Variants in RNASET2 observed in about 807,000 individuals in gnomAD.
RNASET2 encodes the protein ribonuclease T2, also known as ribonuclease 6.
In RNASET2, 28 loss-of-function variants were observed where a neutral mutation model predicts 33.9. The ratio of observed to expected loss-of-function variants is 0.83; its 90% CI spans 0.61 to 1.13. The LOEUF (loss-of-function observed/expected upper bound fraction) is 1.13, where lower values mean the gene tolerates loss of function less well. RNASET2 is among the 50% of genes most tolerant of loss of function. The pLI is 0.00. For synonymous variants in RNASET2, 123 were observed against 121.0 expected, an observed-to-expected ratio of 1.02 and a Z score of -0.11; for missense variants, 330 against 319.9, an observed-to-expected ratio of 1.03 and a Z score of -0.24.
At chr6:166,955,223 G>GCACACACACGACACACATGCA in intron 1 of RNASET2, among the ~76,000 whole-genome samples, 4 of 38,776 alleles carry the variant, frequency 1.0e-4, no homozygotes, top group African/African-American at 4.3e-4. Flanking sequence ...GCACACACGC[G>GCACACACACGACACACATGCA]CACACACGCA....
intron 2 of RNASET2, among the ~76,000 whole-genome samples, chr6:166,950,624 C>T (rs12197030): frequency 0.14 from 20,929 of 152,240 alleles, 1,590 homozygotes; most frequent in African/African-American, 0.19. Flanking sequence ...GTCAGCTTGA[C>T]ACACCGAGCA....
chr6:166,952,415 C>A (rs868422354), intron 2 of RNASET2, 73 bp downstream of exon 2: 1 of 1,321,736 alleles, frequency 7.6e-7, no homozygotes, highest in Non-Finnish European at 1.1e-6. Context: ...GTGCCCTGGA[C>A]GGGCACGTGC....
chr6:166,927,713 C>CAAAAAAAAAAAAAAAAAAAAAAAAAA lies in RNASET2; in HGVS notation c.*1874_*1875insTTTTTTTTTTTTTTTTTTTTTTTTTT, dbSNP rs58837223. ...TGATCCCTGTGTTCGCAAAATGACT[C>CAAAAAAAAAAAAAAAAAAAAAAAAAA]AAAAAAAAAAAAAAAAAAAAAAAGA... is the stretch of plus-strand genomic sequence containing the variant. On this transcript the variant is annotated 3_prime_UTR_variant, in exon 9 of 9. Transcript: ENST00000508775. 2.1e-5 allele frequency among the ~76,000 whole-genome samples: 1 copy of CAAAAAAAAAAAAAAAAAAAAAAAAAA among 47,342 alleles called. No homozygotes were observed. Among genetic ancestry groups the CAAAAAAAAAAAAAAAAAAAAAAAAAA allele is most frequent in the African/African-American group, 8.6e-5 (1 of 11,648 alleles). 31.1% of individuals were successfully genotyped at this position (47,342 alleles called of 152,430 possible). A position where few individuals can be genotyped will look rare whatever the true frequency, so the allele number is the denominator to read the frequency against.
At chr6:166,954,078 A>G (rs1353697609) in intron 1 of RNASET2, among the ~76,000 whole-genome samples, 1 of 152,174 alleles carries the variant, frequency 6.6e-6, no homozygotes, top group African/African-American at 2.4e-5. Flanking sequence ...TCTCCATCTA[A>G]AACCAGGCAG....
At chr6:166,948,660 C>T in intron 2 of RNASET2, 35 bp from the exon 3 acceptor site, 1 of 1,259,370 alleles carries the variant, frequency 7.9e-7, no homozygotes, top group Non-Finnish European at 1.2e-6. Flanking sequence ...ATGATTGGCT[C>T]TTTGTTTATT....
chr6:166,949,209 A>G (rs1467989105), intron 2 of RNASET2, among the ~76,000 whole-genome samples: 2 of 149,732 alleles, frequency 1.3e-5, no homozygotes, highest in African/African-American at 4.9e-5. Context: ...CAAAAAAAAA[A>G]AAAAAAAAAA....
Position 166,956,309 on chromosome 6 carries a change from G to T in RNASET2, c.-127C>A. On this transcript the variant is annotated 5_prime_UTR_variant, in exon 1 of 9. Coordinates refer to ENST00000508775, the MANE Select transcript of RNASET2 (RefSeq NM_003730.6). ...CCCGCGCCGCCGCGCTCCCTCCGCT[G>T]CAGCAGCGGCCACCGGGTGCGCCCG... 1 of 920,738 alleles carries T rather than the reference G, an allele frequency of 1.1e-6. No homozygotes were observed. Among genetic ancestry groups the T allele is most frequent in the Non-Finnish European group, 1.7e-6 (1 of 584,060 alleles). The allele number at this position is 920,738 out of a possible 1,614,324, so 57.0% of individuals were successfully genotyped here.
At position 166,956,466 on chromosome 6, in the gene RNASET2, G is replaced by T; in HGVS notation, c.-284C>A. 4.1e-6 allele frequency: 2 copies of T among 483,154 alleles called. No individual in the cohort carries two copies. The highest frequency in any genetic ancestry group is 4.6e-5 in the South Asian group (2 of 43,282). The allele number at this position is 483,154 out of a possible 1,614,324, so 29.9% of individuals were successfully genotyped here. A position where few individuals can be genotyped will look rare whatever the true frequency, so the allele number is the denominator to read the frequency against. ...TCGTGCACCAAGCGCGCACGTCCCG[G>T]GCTCTGCTTCGCGACCCACAGCGAC... On this transcript the variant is annotated 5_prime_UTR_variant, in exon 1 of 9. Coordinates refer to ENST00000508775, the MANE Select transcript of RNASET2 (RefSeq NM_003730.6).
At chr6:166,955,290 GCACAGACGCGCACACACGA>G (rs1779109050) in intron 1 of RNASET2, among the ~76,000 whole-genome samples, 2 of 68,464 alleles carry the variant, frequency 2.9e-5, no homozygotes, top group African/African-American at 7.9e-5. Flanking sequence ...CGACACACAC[GCACAGACGCGCACACACGA>G]CACACACGCA....
rs775164506 is a variant in RNASET2, at chr6:166,952,808, G to A, written c.87-260C>T. ...GGGAGGAGGGGAGAGGAGGGGAAGC[G>A]GAGGCAGGGCAAGCTAGGAGTGCAG... On this transcript the variant is annotated intron_variant, in intron 1 of 8. Transcript: ENST00000508775. The A allele has an allele frequency of 3.7e-4, 170 of 455,768 alleles. 1 individual carries two copies. The highest frequency in any genetic ancestry group is 1.9e-3 in the South Asian group (90 of 48,132). The allele number at this position is 455,768 out of a possible 1,614,324, so 28.2% of individuals were successfully genotyped here.
At chr6:166,952,360 G>A (rs955580770) in intron 2 of RNASET2, 128 bp downstream of exon 2, 95 of 831,084 alleles carry the variant, frequency 1.1e-4, no homozygotes, top group Admixed American at 1.8e-4. Context: ...AGGAGACACC[G>A]CCCACCCGCC....
At chr6:166,930,864 GCACATGCACACATGCATGTACACACA>G (rs1307751388) in intron 8 of RNASET2, among the ~76,000 whole-genome samples, 154 bp downstream of exon 8, 9 of 148,152 alleles carry the variant, frequency 6.1e-5, no homozygotes, top group Admixed American at 2.7e-4. Flanking sequence ...TGCACACACA[GCACATGCACACATGCATGTACACACA>G]CACATGCACA....
chr6:166,930,558 ACAGAG>A (rs1778398223), intron 8 of RNASET2, among the ~76,000 whole-genome samples: 3 of 149,894 alleles, frequency 2.0e-5, no homozygotes, highest in African/African-American at 7.4e-5. Context: ...GCATGTTCAC[ACAGAG>A]AACATGCACA....
At chr6:166,934,880 C>A (rs1778529405) in intron 6 of RNASET2, 1 of 152,224 alleles carries the variant, frequency 6.6e-6, no homozygotes, top group Admixed American at 6.5e-5. Context: ...TAAAGCACTT[C>A]TACACAGAAT....
intron 3 of RNASET2, among the ~76,000 whole-genome samples, chr6:166,947,356 C>T (rs1778873524): frequency 1.3e-5 from 2 of 152,216 alleles, no homozygotes; most frequent in Admixed American, 1.3e-4. Context: ...CTCTTGAGTG[C>T]TGCTTACTCC....
Position 166,948,585 on chromosome 6 carries a change from G to A in RNASET2, c.188C>T (p.Thr63Ile). 2.5e-6 allele frequency: 4 copies of A among 1,601,222 alleles called. No homozygotes were observed. Among genetic ancestry groups the A allele is most frequent in the Non-Finnish European group, 3.4e-6 (4 of 1,168,638 alleles). Residue 63 changes from threonine to isoleucine, a missense_variant, in exon 3 of 9, where the codon ACA becomes ATA. Thr to Ile is a moderately conservative substitution (Grantham distance 89). Coordinates refer to ENST00000508775, the MANE Select transcript of RNASET2 (RefSeq NM_003730.6). Reference sequence around the variant, plus strand: ...AGACACTTGCCATAGTCCATGTATTGTCCAGTAATCCGGAGGGTCTCTACA... The same window carrying A: ...AGACACTTGCCATAGTCCATGTATTATCCAGTAATCCGGAGGGTCTCTACA... ...NDCRDPPDYW[T>I]IHGLWPDKSE...
At position 166,946,753 on chromosome 6, in the gene RNASET2, T is replaced by C. The variant is rs1778856869; in HGVS notation, c.204-14A>G. 6.5e-7 allele frequency: 1 copy of C among 1,532,184 alleles called. No individual in the cohort carries two copies. The highest frequency in any genetic ancestry group is 8.9e-7 in the Non-Finnish European group (1 of 1,121,338). The allele number at this position is 1,532,184 out of a possible 1,614,324, so 94.9% of individuals were successfully genotyped here. The stretch of plus-strand genomic sequence containing the variant: ...CTTTTATCGGGCCTGGAAATTCAAA[T>C]TTAAAAGAGAAAATAAGAAATATTA... On this transcript the variant is annotated splice_polypyrimidine_tract_variant and intron_variant, in intron 3 of 8. Transcript: ENST00000508775.
intron 6 of RNASET2, among the ~76,000 whole-genome samples, chr6:166,937,535 T>C (rs752901728): frequency 6.6e-6 from 1 of 152,234 alleles, no homozygotes; most frequent in Non-Finnish European, 1.5e-5. Context: ...CTTCCTTTAT[T>C]AAAAACCTAA....
In RNASET2 at chr6:166,928,772, G is replaced by A. The variant is rs559339283; in HGVS notation, c.*816C>T. Among the ~76,000 whole-genome samples, 7 of 152,326 alleles carry A rather than the reference G, an allele frequency of 4.6e-5. No homozygotes were observed. In the South Asian group the frequency reaches 1.0e-3, roughly 23 times the overall value. ...GCGTGGGTGCAGCAGTCTGCCTGACGTGAGAGCCATGTCATCACATATCTA... is the reference window on the plus strand; with the variant it reads ...GCGTGGGTGCAGCAGTCTGCCTGACATGAGAGCCATGTCATCACATATCTA... On this transcript the variant is annotated 3_prime_UTR_variant, in exon 9 of 9. Transcript: ENST00000508775.
Sources: gnomAD v4.1 joint callset for allele counts (sites outside exome capture counted in the v4.1 genomes callset) on GRCh38, gnomAD v4.1.1 for gene constraint, MANE v1.5 for transcripts, NCBI Gene and HGNC (gene_info 2026-07-23, HGNC 2026-07-21) for gene names.